The following HTT-AS variants were observed in gnomAD, a reference collection of about 807,000 sequenced individuals.
HTT-AS encodes the protein HTT antisense RNA (head to head).
At chr4:3,063,122 G>T (rs534515280) in exon 2 of HTT-AS, among the ~76,000 whole-genome samples, 3 of 152,272 alleles carry the variant, frequency 2.0e-5, no homozygotes, top group African/African-American at 7.2e-5. Context: ...GTCAGTTGAA[G>T]TAAGTGCTAC....
At chr4:3,057,587 A>G (rs559613019) in intron 2 of HTT-AS, among the ~76,000 whole-genome samples, 2 of 152,314 alleles carry the variant, frequency 1.3e-5, no homozygotes, top group South Asian at 4.1e-4. Context: ...CCATGGGCAG[A>G]GCAGCCCCGA....
At chr4:3,051,952 C>A (rs1486213615) in intron 2 of HTT-AS, among the ~76,000 whole-genome samples, 2 of 152,076 alleles carry the variant, frequency 1.3e-5, no homozygotes, top group Non-Finnish European at 2.9e-5. Context: ...GACCTTGTAA[C>A]CATGTGGCGG....
intron 1 of HTT-AS, among the ~76,000 whole-genome samples, chr4:3,069,169 G>A (rs1712115035): frequency 6.7e-6 from 1 of 148,714 alleles, no homozygotes; most frequent in Non-Finnish European, 1.5e-5. Flanking sequence ...TTTTTGAGAT[G>A]GAGTCTCACT....
exon 3 of HTT-AS, among the ~76,000 whole-genome samples, chr4:3,049,350 G>A (rs751530378): frequency 6.6e-6 from 1 of 152,102 alleles, no homozygotes; most frequent in Non-Finnish European, 1.5e-5. Context: ...CTTGAACCCA[G>A]GAGGCAGAGG....
downstream of HTT-AS, among the ~76,000 whole-genome samples, chr4:3,048,124 C>T (rs1711634698): frequency 6.6e-6 from 1 of 151,994 alleles, no homozygotes; most frequent in African/African-American, 2.4e-5. Context: ...GCCCAGCTGT[C>T]TTTTCTTCTA....
chr4:3,049,906 T>TCTCA (rs1294585299), intron 2 of HTT-AS, among the ~76,000 whole-genome samples: 7 of 134,720 alleles, frequency 5.2e-5, no homozygotes, highest in African/African-American at 1.1e-4. Flanking sequence ...TTGTAAGTTA[T>TCTCA]CACACACACA....
chr4:3,068,613 T>A (rs1712101420), intron 1 of HTT-AS, among the ~76,000 whole-genome samples: 1 of 151,566 alleles, frequency 6.6e-6, no homozygotes, highest in South Asian at 2.1e-4. Context: ...GCTCTACAAC[T>A]GTTGTGTCTC....
chr4:3,061,734 C>A (rs1453263199), intron 2 of HTT-AS, among the ~76,000 whole-genome samples: 1 of 150,312 alleles, frequency 6.7e-6, no homozygotes, highest in Non-Finnish European at 1.5e-5. Flanking sequence ...GTAATCCCAG[C>A]ACTTTGGGAA....
chr4:3,065,533 A>G (rs1712031504), intron 1 of HTT-AS, among the ~76,000 whole-genome samples: 1 of 152,160 alleles, frequency 6.6e-6, no homozygotes. Flanking sequence ...TTTCAACATT[A>G]TCCTTAATAC....
intron 1 of HTT-AS, among the ~76,000 whole-genome samples, chr4:3,070,506 A>T (rs1248172155): frequency 6.6e-6 from 1 of 152,030 alleles, no homozygotes; most frequent in Non-Finnish European, 1.5e-5. Context: ...GGTCAGGCGG[A>T]CTTGAACTCC....
intron 2 of HTT-AS, among the ~76,000 whole-genome samples, chr4:3,056,473 G>T (rs1172647516): frequency 6.6e-6 from 1 of 152,188 alleles, no homozygotes; most frequent in East Asian, 1.9e-4. Flanking sequence ...ACTGTTACAG[G>T]TGCGTAAGTT....
exon 3 of HTT-AS, among the ~76,000 whole-genome samples, chr4:3,049,184 G>A (rs1001888140): frequency 2.0e-5 from 3 of 152,134 alleles, no homozygotes; most frequent in Non-Finnish European, 4.4e-5. Flanking sequence ...AGCACTTTGG[G>A]AGGCCGAGGT....
intron 2 of HTT-AS, among the ~76,000 whole-genome samples, chr4:3,058,194 C>T (rs527618130): frequency 4.6e-5 from 7 of 151,954 alleles, no homozygotes; most frequent in South Asian, 4.1e-4. Flanking sequence ...GGCGTGGTGG[C>T]GCGTGCCTGT....
intron 1 of HTT-AS, among the ~76,000 whole-genome samples, chr4:3,066,099 A>G (rs1712046842): frequency 1.3e-5 from 2 of 152,076 alleles, no homozygotes; most frequent in South Asian, 4.2e-4. Context: ...GCAGAGAGAG[A>G]GGCCAAACAC....
intron 2 of HTT-AS, among the ~76,000 whole-genome samples, chr4:3,056,230 G>T (rs1000991410): frequency 6.6e-6 from 1 of 152,232 alleles, no homozygotes; most frequent in Non-Finnish European, 1.5e-5. Context: ...GTTTAATTAA[G>T]CAATGAATGA....
intron 2 of HTT-AS, among the ~76,000 whole-genome samples, chr4:3,051,644 T>A (rs929084421): frequency 8.4e-6 from 1 of 119,488 alleles, no homozygotes; most frequent in Non-Finnish European, 1.9e-5. Context: ...TCAAACTGGT[T>A]GAATGAATTA....
rs1553907712 is a variant in HTT-AS, at chr4:3,059,917, G to GGT, written n.1380+2516_1380+2517insAC. On this transcript the variant is annotated intron_variant and non_coding_transcript_variant, in intron 2 of 2. Transcript: ENST00000664062. Reference sequence around the variant, plus strand: ...GTTGCTTTAACATCTTTGTCCCTGTGTTTTTTGTTTTTTTTTTTGAGACGG... The same window carrying GGT: ...GTTGCTTTAACATCTTTGTCCCTGTGGTTTTTTTGTTTTTTTTTTTGAGACGG... Among the ~76,000 whole-genome samples, 176 of 136,260 alleles carry GGT rather than the reference G, an allele frequency of 1.3e-3. 3 individuals carry two copies. The highest frequency in any genetic ancestry group is 3.4e-3 in the African/African-American group (120 of 35,610). The allele number at this position is 136,260 out of a possible 152,430, so 89.4% of individuals were successfully genotyped here. A position where few individuals can be genotyped will look rare whatever the true frequency, so the allele number is the denominator to read the frequency against.
At chr4:3,069,168 T>C (rs1475631616) in intron 1 of HTT-AS, among the ~76,000 whole-genome samples, 1 of 150,744 alleles carries the variant, frequency 6.6e-6, no homozygotes, top group African/African-American at 2.4e-5. Context: ...TTTTTTGAGA[T>C]GGAGTCTCAC....
intron 1 of HTT-AS, among the ~76,000 whole-genome samples, chr4:3,065,366 G>A (rs1174552037): frequency 6.6e-5 from 10 of 151,536 alleles, no homozygotes; most frequent in South Asian, 2.1e-4. Flanking sequence ...TCAGCCTCCC[G>A]AGTAGCTGGG....
Sources: gnomAD v4.1 joint callset for allele counts (sites outside exome capture counted in the v4.1 genomes callset) on GRCh38, gnomAD v4.1.1 for gene constraint, MANE v1.5 for transcripts, NCBI Gene and HGNC (gene_info 2026-07-23, HGNC 2026-07-21) for gene names.